The following COG5 variants were observed in gnomAD, a reference collection of about 807,000 sequenced individuals.
COG5 encodes the protein component of oligomeric golgi complex 5.
A neutral mutation model predicts 110.4 loss-of-function variants in COG5; 86 were observed. The ratio of observed to expected loss-of-function variants is 0.78; its 90% CI spans 0.65 to 0.93. The LOEUF is 0.93. COG5 is among the 40% of genes least tolerant of loss of function. COG5 has a pLI of 0.00. For missense variants in COG5, 1,077 were observed against 987.0 expected (o/e 1.09, Z -1.22); for synonymous variants, 360 against 334.6 (o/e 1.08, Z -0.83).
intron 17 of COG5, among the ~76,000 whole-genome samples, chr7:107,237,354 A>C (rs1188503145): frequency 6.6e-6 from 1 of 152,230 alleles, no homozygotes; most frequent in Non-Finnish European, 1.5e-5. Context: ...CTCTTTAAAG[A>C]ATATATTAAA....
rs56971368 is a variant in COG5, at chr7:107,270,882, C to CTTTTTTTTTTT, written c.1575+10407_1575+10417dup. Among the ~76,000 whole-genome samples, 123 of 68,750 alleles carry CTTTTTTTTTTT rather than the reference C, an allele frequency of 1.8e-3. 24 individuals are homozygous for CTTTTTTTTTTT. Among genetic ancestry groups the CTTTTTTTTTTT allele is most frequent in the Non-Finnish European group, 2.5e-3 (97 of 38,998 alleles). 45.1% of individuals were successfully genotyped at this position (68,750 alleles called of 152,430 possible). A position where few individuals can be genotyped will look rare whatever the true frequency, so the allele number is the denominator to read the frequency against. ...TTATACTTCATTATCCTAACTAGAA[C>CTTTTTTTTTTT]TTTTTTTTTTTTTTTTTTTTTTTTT... is the stretch of plus-strand genomic sequence containing the variant. On this transcript the variant is annotated intron_variant, in intron 14 of 21. Coordinates refer to ENST00000297135, the MANE Select transcript of COG5 (RefSeq NM_006348.5).
intron 10 of COG5, among the ~76,000 whole-genome samples, chr7:107,353,578 C>T (rs1812368023): frequency 6.6e-6 from 1 of 151,922 alleles, no homozygotes; most frequent in African/African-American, 2.4e-5. Context: ...CTAGCCAGAG[C>T]ATTTATTAAT....
intron 13 of COG5, among the ~76,000 whole-genome samples, chr7:107,283,142 G>T (rs529339133): frequency 6.6e-6 from 1 of 152,088 alleles, no homozygotes. Context: ...TTAAAATAGC[G>T]AACACAAGCT....
At chr7:107,473,243 C>T (rs1219442036) in intron 6 of COG5, among the ~76,000 whole-genome samples, 1 of 151,836 alleles carries the variant, frequency 6.6e-6, no homozygotes, top group Non-Finnish European at 1.5e-5. Context: ...TATTAAATTT[C>T]AATTTTCTGT....
chr7:107,410,391 A>T (rs947686619), intron 7 of COG5, among the ~76,000 whole-genome samples: 2 of 152,222 alleles, frequency 1.3e-5, no homozygotes, highest in African/African-American at 2.4e-5. Context: ...GTAGAAAACC[A>T]TCGAGTAGTA....
At chr7:107,370,167 A>G (rs1374613609) in intron 8 of COG5, among the ~76,000 whole-genome samples, 5 of 152,112 alleles carry the variant, frequency 3.3e-5, no homozygotes, top group Admixed American at 3.3e-4. Flanking sequence ...ATCATGCACC[A>G]TCACACTCAT....
intron 5 of COG5, among the ~76,000 whole-genome samples, chr7:107,535,522 AC>A (rs1801523180): frequency 6.7e-6 from 1 of 148,248 alleles, no homozygotes; most frequent in East Asian, 1.9e-4. Context: ...ATCACAGAAT[AC>A]CATAAACACC....
intron 6 of COG5, among the ~76,000 whole-genome samples, 160 bp downstream of exon 6, chr7:107,527,077 T>C (rs563077598): frequency 6.6e-6 from 1 of 152,318 alleles, no homozygotes; most frequent in South Asian, 2.1e-4. Flanking sequence ...TACTTGTACT[T>C]ACTCATTCTG....
At chr7:107,393,174 A>T (rs79607134) in intron 7 of COG5, among the ~76,000 whole-genome samples, 29,608 of 152,130 alleles carry the variant, frequency 0.19, 3,071 homozygotes, top group Non-Finnish European at 0.22. Context: ...ACAAATACAA[A>T]GTGAGTACTT....
intron 12 of COG5, among the ~76,000 whole-genome samples, chr7:107,294,881 T>TTGTGTGTG (rs756358916): frequency 1.9e-3 from 178 of 94,268 alleles, no homozygotes; most frequent in African/African-American, 7.9e-3. Context: ...ATGCCTGGAT[T>TTGTGTGTG]TGTGTGTGTG....
rs146868568 is a variant in COG5, at chr7:107,517,293, G to C, written c.538+9944C>G. 1.8e-3 allele frequency among the ~76,000 whole-genome samples: 274 copies of C among 150,894 alleles called. 1 individual carries two copies. The highest frequency in any genetic ancestry group is 6.3e-3 in the African/African-American group (261 of 41,154). ...AATAAGGCATACAGACAAGATTAGA[G>C]AAAAAAGAATGAAAAAAAAATGAAC... On this transcript the variant is annotated intron_variant, in intron 6 of 21. Coordinates refer to ENST00000297135, the MANE Select transcript of COG5 (RefSeq NM_006348.5).
chr7:107,367,599 T>C (rs1475570319), intron 8 of COG5, among the ~76,000 whole-genome samples: 1 of 151,990 alleles, frequency 6.6e-6, no homozygotes, highest in East Asian at 1.9e-4. Flanking sequence ...GGAACACTAC[T>C]CAGCCATAAA....
intron 8 of COG5, among the ~76,000 whole-genome samples, chr7:107,363,069 T>A (rs1290691757): frequency 6.6e-6 from 1 of 152,116 alleles, no homozygotes; most frequent in East Asian, 1.9e-4. Flanking sequence ...TAGGTATATT[T>A]TGGAATGGAG....
At chr7:107,277,224 TTAAA>T (rs2116765020) in intron 14 of COG5, among the ~76,000 whole-genome samples, 1 of 152,292 alleles carries the variant, frequency 6.6e-6, no homozygotes, top group African/African-American at 2.4e-5. Flanking sequence ...GCAACTTTTC[TTAAA>T]TAAAAAAGAT....
chr7:107,394,138 T>A (rs973862377), intron 7 of COG5, among the ~76,000 whole-genome samples: 26 of 151,992 alleles, frequency 1.7e-4, no homozygotes, highest in Non-Finnish European at 2.9e-4. Flanking sequence ...ATTTTTTTTG[T>A]ATTTTTAGTA....
intron 10 of COG5, among the ~76,000 whole-genome samples, chr7:107,338,351 T>C (rs1810887665): frequency 6.6e-6 from 1 of 152,034 alleles, no homozygotes; most frequent in African/African-American, 2.4e-5. Flanking sequence ...CTCAAGTACA[T>C]GGCCATATGA....
rs530252912 is a variant in COG5 at position 107,454,898 on chromosome 7, CAGA to C, written c.539-42269_539-42267del. On this transcript the variant is annotated intron_variant, in intron 6 of 21. Transcript: ENST00000297135. The stretch of plus-strand genomic sequence containing the variant: ...TTAGAGAGTATTTCCTTCCCCATCG[CAGA>C]AGATTTTTGCTTGAGATGTTCTAAT... Among the ~76,000 whole-genome samples the C allele has an allele frequency of 5.1e-4, 77 of 152,120 alleles. 1 individual carries two copies. The highest frequency in any genetic ancestry group is 1.2e-3 in the Admixed American group (19 of 15,300).
At chr7:107,510,189 A>G (rs973262206) in intron 6 of COG5, among the ~76,000 whole-genome samples, 49 of 152,232 alleles carry the variant, frequency 3.2e-4, no homozygotes, top group Non-Finnish European at 5.0e-4. Flanking sequence ...CTCAAAATAA[A>G]GGGATGGAGG....
intron 16 of COG5, among the ~76,000 whole-genome samples, chr7:107,248,907 CA>C (rs2116554082): frequency 6.6e-6 from 1 of 152,182 alleles, no homozygotes; most frequent in East Asian, 1.9e-4. Context: ...TGCTTTTAAC[CA>C]GAGTGAATAT....
Sources: gnomAD v4.1 joint callset for allele counts (sites outside exome capture counted in the v4.1 genomes callset) on GRCh38, gnomAD v4.1.1 for gene constraint, MANE v1.5 for transcripts, NCBI Gene and HGNC (gene_info 2026-07-23, HGNC 2026-07-21) for gene names.